MFSD6: variants seen among roughly 807,000 people sequenced by gnomAD.
The protein encoded by MFSD6 is major facilitator superfamily domain-containing protein 6.
MFSD6 carries 26 observed loss-of-function variants against 56.3 expected under a neutral mutation model. That is an observed-to-expected ratio of 0.46 (90% CI 0.34 to 0.64). The LOEUF (loss-of-function observed/expected upper bound fraction) is 0.64. Among genes scored for constraint, MFSD6 ranks in the 30% least tolerant of loss-of-function variants. The pLI, the probability that MFSD6 is intolerant of heterozygous loss-of-function variation, is 0.01. For missense variants in MFSD6, 750 were observed against 986.2 expected (o/e 0.76, Z 3.21); for synonymous variants, 331 against 366.9 (o/e 0.90, Z 1.12).
At position 190,496,864 on chromosome 2, in the gene MFSD6, G is replaced by A. The variant is rs1314171796; in HGVS notation, c.1892-575G>A. On this transcript the variant is annotated intron_variant, in intron 6 of 7. Transcript: ENST00000392328. The surrounding 1 kb of genome is among the most constrained non-coding windows in gnomAD (Gnocchi z 4.7). ...TCATAAGTGGGAGCTAGGCTATGAG[G>A]ATGCAAAGGCATAAGAATGATATGA... Among the ~76,000 whole-genome samples the A allele has an allele frequency of 6.6e-6, 1 of 152,170 alleles. No individual in the cohort carries two copies. The highest frequency in any genetic ancestry group is 1.5e-5 in the Non-Finnish European group (1 of 68,026).
intron 4 of MFSD6, among the ~76,000 whole-genome samples, chr2:190,481,281 CT>C (rs1278080209): frequency 6.6e-6 from 1 of 152,168 alleles, no homozygotes; most frequent in East Asian, 1.9e-4. Flanking sequence ...CAGTTATAGA[CT>C]TTTTTTAAGC....
At chr2:190,470,072 T>A (rs546558976) in intron 4 of MFSD6, among the ~76,000 whole-genome samples, 4 of 152,348 alleles carry the variant, frequency 2.6e-5, no homozygotes, top group Admixed American at 2.6e-4. Flanking sequence ...CTGGACTTGA[T>A]CCACACCCTT....
chr2:190,418,722 G>T lies in MFSD6; in HGVS notation c.-54+3309G>T, dbSNP rs758766365. Among the ~76,000 whole-genome samples the T allele has an allele frequency of 6.6e-6, 1 of 152,178 alleles. No homozygotes were observed. Among genetic ancestry groups the T allele is most frequent in the Non-Finnish European group, 1.5e-5 (1 of 68,030 alleles). On this transcript the variant is annotated intron_variant, in intron 2 of 7. Coordinates refer to ENST00000392328, the MANE Select transcript of MFSD6 (RefSeq NM_017694.4). This position sits in a 1 kb window ranked among gnomAD's most constrained non-coding sequence, Gnocchi z 4.1. ...CAGTGAGCTGTGATTGTGCCACTGC[G>T]CTCCAGCCTGGGTGGCAGAAGGAGC...
chr2:190,475,418 G>T (rs1317279944), intron 4 of MFSD6, among the ~76,000 whole-genome samples: 1 of 151,874 alleles, frequency 6.6e-6, no homozygotes, highest in East Asian at 1.9e-4. Context: ...TTATATACCA[G>T]TAACAGCCAA....
In MFSD6 at chr2:190,437,540, T is replaced by C. The variant is rs1686220503; in HGVS notation, c.1511T>C (p.Ile504Thr). ...GCATATTTTTTTAGTCACAAGCTTATTGAATTGATCGGCCACATCAGGTAA... is the reference window on the plus strand; with the variant it reads ...GCATATTTTTTTAGTCACAAGCTTACTGAATTGATCGGCCACATCAGGTAA... ...LTAYFFSHKLIELIGHIRVLY... is the reference protein window; with the variant it reads ...LTAYFFSHKLTELIGHIRVLY... The change falls in exon 3 of 8, where the codon ATT (isoleucine) becomes ACT (threonine). Residue 504 changes from isoleucine (I) to threonine (T), a missense_variant. Ile to Thr is a moderately conservative substitution (Grantham distance 89). This residue lies in a region of MFSD6 where 125 missense variants were observed against 223.1 expected (regional missense o/e 0.56). Transcript: ENST00000392328. The surrounding 1 kb of genome is among the most constrained non-coding windows in gnomAD (Gnocchi z 5.9). 2 of 1,613,744 alleles carry C rather than the reference T, an allele frequency of 1.2e-6. No individual in the cohort carries two copies. The highest frequency in any genetic ancestry group is 8.5e-7 in the Non-Finnish European group (1 of 1,179,656).
Position 190,437,671 on chromosome 2 carries a change from G to C in MFSD6, c.1532+110G>C. Reference sequence around the variant, plus strand: ...GGTATTATAATTTGTGTTGAGGATAGGGTTGGAGTGGAAATGGGGATTTCT... The same window carrying C: ...GGTATTATAATTTGTGTTGAGGATACGGTTGGAGTGGAAATGGGGATTTCT... On this transcript the variant is annotated intron_variant, in intron 3 of 7. Transcript: ENST00000392328. The surrounding 1 kb of genome is among the most constrained non-coding windows in gnomAD (Gnocchi z 5.9). The C allele has an allele frequency of 1.6e-6, 2 of 1,283,862 alleles. No individual in the cohort carries two copies. The highest frequency in any genetic ancestry group is 1.1e-6 in the Non-Finnish European group (1 of 946,498). 79.5% of individuals were successfully genotyped at this position (1,283,862 alleles called of 1,614,324 possible).
chr2:190,458,748 G>A lies in MFSD6; in HGVS notation c.1533-11010G>A, dbSNP rs1219247437. 6.6e-6 allele frequency among the ~76,000 whole-genome samples: 1 copy of A among 152,180 alleles called. No homozygotes were observed. The highest frequency in any genetic ancestry group is 1.5e-5 in the Non-Finnish European group (1 of 68,038). ...TACCCAGAGAAGCTTAAGTAAAATG[G>A]GGACTGTATTGTCCAATTGAGAAGT... On this transcript the variant is annotated intron_variant, in intron 3 of 7. Coordinates refer to ENST00000392328, the MANE Select transcript of MFSD6 (RefSeq NM_017694.4). The surrounding 1 kb of genome is among the most constrained non-coding windows in gnomAD (Gnocchi z 5.3).
chr2:190,444,884 T>TA, intron 3 of MFSD6: 5 of 835,996 alleles, frequency 6.0e-6, no homozygotes, highest in Non-Finnish European at 7.2e-6. Context: ...AAAATCATAG[T>TA]AAAAAGTGAC....
rs185086098 is a variant in MFSD6 at position 190,416,653 on chromosome 2, A to C, written c.-54+1240A>C. On this transcript the variant is annotated intron_variant, in intron 2 of 7. Transcript: ENST00000392328. The surrounding 1 kb of genome is among the most constrained non-coding windows in gnomAD (Gnocchi z 4.1). Reference sequence around the variant, plus strand: ...AAAGTGCTTTTGGCATAATTGCAAAATAAGACCCAGAGTTTTAATGAAATA... The same window carrying C: ...AAAGTGCTTTTGGCATAATTGCAAACTAAGACCCAGAGTTTTAATGAAATA... 9.8e-5 allele frequency among the ~76,000 whole-genome samples: 15 copies of C among 152,368 alleles called. No homozygotes were observed. In the East Asian group the frequency reaches 2.7e-3, roughly 27 times the overall value.
chr2:190,480,303 A>G (rs750271872), intron 4 of MFSD6, among the ~76,000 whole-genome samples: 5 of 152,246 alleles, frequency 3.3e-5, no homozygotes, highest in Non-Finnish European at 5.9e-5. Flanking sequence ...CAGTTCTCCA[A>G]AGAGATGTAC....
chr2:190,438,724 GT>G lies in MFSD6; in HGVS notation c.1532+1164del, dbSNP rs139868763. Among the ~76,000 whole-genome samples, 596 of 152,334 alleles carry G rather than the reference GT, an allele frequency of 3.9e-3. 3 individuals are homozygous for G. Among genetic ancestry groups the G allele is most frequent in the Middle Eastern group, 0.02 (6 of 294 alleles). On this transcript the variant is annotated intron_variant, in intron 3 of 7. Transcript: ENST00000392328. This position sits in a 1 kb window ranked among gnomAD's most constrained non-coding sequence, Gnocchi z 5.2. ...TTGCTGTAACTAAAAGCAACCGTAT[GT>G]GTTTGTGTGTATTTAAATCTGCTAT...
chr2:190,436,502 G>A lies in MFSD6; in HGVS notation c.473G>A (p.Arg158Lys). ...GIGFVKPATLRCVPKIRPTTH... is the reference protein window; with the variant it reads ...GIGFVKPATLKCVPKIRPTTH... The stretch of plus-strand genomic sequence containing the variant: ...GGATTTGTCAAACCTGCTACCTTGA[G>A]ATGTGTACCAAAGATTCGCCCAACA... Residue 158 changes from arginine (R) to lysine (K), a missense_variant, in exon 3 of 8, where the codon AGA becomes AAA. Coordinates refer to ENST00000392328, the MANE Select transcript of MFSD6 (RefSeq NM_017694.4). The surrounding 1 kb of genome is among the most constrained non-coding windows in gnomAD (Gnocchi z 5.3). The A allele has an allele frequency of 6.2e-7, 1 of 1,614,180 alleles. No individual in the cohort carries two copies. The highest frequency in any genetic ancestry group is 8.5e-7 in the Non-Finnish European group (1 of 1,180,034).
intron 4 of MFSD6, among the ~76,000 whole-genome samples, chr2:190,472,697 G>C (rs1574193000): frequency 6.6e-6 from 1 of 152,284 alleles, no homozygotes; most frequent in East Asian, 1.9e-4. Context: ...CCCCAATCTA[G>C]CAAGGCAGGC....
rs745816399 is a variant in MFSD6 at position 190,488,667 on chromosome 2, C to T, written c.1641C>T (p.His547=). The T allele has an allele frequency of 6.4e-6, 10 of 1,554,828 alleles. No individual in the cohort carries two copies. Among genetic ancestry groups the T allele is most frequent in the African/African-American group, 1.4e-5 (1 of 72,210 alleles). ...CTTCTTCCTCTCCAGGAGTGACACA[C>T]GCGGCCATCTGGGCAGCATGCATTT... ...LPMEVLQGVT[H]AAIWAACISY... The change falls in exon 5 of 8, where the codon CAC becomes CAT. Residue 547 remains histidine (H), a synonymous_variant. Coordinates refer to ENST00000392328, the MANE Select transcript of MFSD6 (RefSeq NM_017694.4). This position sits in a 1 kb window ranked among gnomAD's most constrained non-coding sequence, Gnocchi z 6.4.
chr2:190,468,688 G>A (rs991866570), intron 3 of MFSD6, among the ~76,000 whole-genome samples: 4 of 151,050 alleles, frequency 2.6e-5, no homozygotes, highest in Non-Finnish European at 4.4e-5. Context: ...TGAACTCTTG[G>A]GCGCAAGTGA....
In MFSD6 at chr2:190,451,776, A is replaced by G. The variant is rs1686782560; in HGVS notation, c.1532+14215A>G. The stretch of plus-strand genomic sequence containing the variant: ...TAATAAAAGGACACCAGTGCACTGG[A>G]CAAGGATCCTGGGAAGCTTGAGCAT... On this transcript the variant is annotated intron_variant, in intron 3 of 7. Coordinates refer to ENST00000392328, the MANE Select transcript of MFSD6 (RefSeq NM_017694.4). The surrounding 1 kb of genome is among the most constrained non-coding windows in gnomAD (Gnocchi z 5.0). 6.6e-6 allele frequency among the ~76,000 whole-genome samples: 1 copy of G among 152,234 alleles called. No homozygotes were observed. The highest frequency in any genetic ancestry group is 6.5e-5 in the Admixed American group (1 of 15,286).
Position 190,487,479 on chromosome 2 carries a change from A to G in MFSD6, c.1631-1178A>G, listed in dbSNP as rs924706543. On this transcript the variant is annotated intron_variant, in intron 4 of 7. Transcript: ENST00000392328. The surrounding 1 kb of genome is among the most constrained non-coding windows in gnomAD (Gnocchi z 5.5). ...GATGCTAATTATAATGGGGAAAAGTAGAAATAATCTTAATGTCAAAGTAGG... is the reference window on the plus strand; with the variant it reads ...GATGCTAATTATAATGGGGAAAAGTGGAAATAATCTTAATGTCAAAGTAGG... 9.9e-5 allele frequency among the ~76,000 whole-genome samples: 15 copies of G among 152,278 alleles called. No homozygotes were observed. The highest frequency in any genetic ancestry group is 2.1e-4 in the Non-Finnish European group (14 of 68,048).
At position 190,499,397 on chromosome 2, in the gene MFSD6, T is replaced by C. The variant is rs1689903533; in HGVS notation, c.2173-618T>C. 6.6e-6 allele frequency among the ~76,000 whole-genome samples: 1 copy of C among 152,196 alleles called. No individual in the cohort carries two copies. The highest frequency in any genetic ancestry group is 6.5e-5 in the Admixed American group (1 of 15,286). On this transcript the variant is annotated intron_variant, in intron 7 of 7. Transcript: ENST00000392328. The surrounding 1 kb of genome is among the most constrained non-coding windows in gnomAD (Gnocchi z 6.0). ...ACAACCAATATGGCATTTATGGAAA[T>C]TGCTGCTGGTGATGTTCTACTCATG...
At chr2:190,453,604 C>T (rs761497705) in intron 3 of MFSD6, among the ~76,000 whole-genome samples, 2 of 152,176 alleles carry the variant, frequency 1.3e-5, no homozygotes, top group African/African-American at 2.4e-5. Context: ...GTGCTTCTAA[C>T]GTGGGCATAA....
Sources: gnomAD v4.1 joint callset for allele counts (sites outside exome capture counted in the v4.1 genomes callset) on GRCh38, gnomAD v4.1.1 for gene constraint, gnomAD v4.1.1 regional missense constraint, Gnocchi (gnomAD v3.1) non-coding constraint, MANE v1.5 for transcripts, NCBI Gene and HGNC (gene_info 2026-07-23, HGNC 2026-07-21) for gene names.